The following TTC23L variants were observed in gnomAD, a reference collection of about 807,000 sequenced individuals.
TTC23L encodes the protein tetratricopeptide repeat protein 23-like.
A neutral mutation model predicts 48.1 loss-of-function variants in TTC23L; 42 were observed. The observed-to-expected ratio is 0.87, with a 90% CI of 0.68 to 1.13. TTC23L has a LOEUF of 1.13. Ranked by LOEUF, TTC23L falls within the 50% of genes most tolerant of loss-of-function variation. TTC23L has a pLI of 0.00. For synonymous variants in TTC23L, 159 were observed against 157.2 expected, an observed-to-expected ratio of 1.01 and a Z score of -0.09; for missense variants, 391 against 421.0, an observed-to-expected ratio of 0.93 and a Z score of 0.62.
chr5:34,925,592 T>G, the TTC23L span: 1 of 1,009,484 alleles, frequency 9.9e-7, no homozygotes, highest in African/African-American at 1.6e-5. Context: ...TACGTCTAAT[T>G]AGTGTAGCAT....
At chr5:34,895,288 A>G (rs1763142243) in intron 9 of TTC23L, among the ~76,000 whole-genome samples, 1 of 152,198 alleles carries the variant, frequency 6.6e-6, no homozygotes, top group Admixed American at 6.5e-5. Flanking sequence ...ACTTTTCTCT[A>G]ATGAGGATTA....
In TTC23L at chr5:34,847,586, G is replaced by T. The variant is rs559715140; in HGVS notation, c.255+1913G>T. Among the ~76,000 whole-genome samples the T allele has an allele frequency of 3.3e-5, 5 of 151,974 alleles. No homozygotes were observed. The South Asian group carries it at 8.3e-4, about 25-fold the overall frequency. The stretch of plus-strand genomic sequence containing the variant: ...AGTGCTGGGATGACATCTGGAGCCC[G>T]TATTGGTTGTCCCGGTTTCTCCAAG... On this transcript the variant is annotated intron_variant, in intron 3 of 10. Coordinates refer to ENST00000505624, the Ensembl canonical transcript of TTC23L.
At chr5:34,914,714 T>A in the TTC23L span, 1 of 1,614,240 alleles carries the variant, frequency 6.2e-7, no homozygotes, top group Non-Finnish European at 8.5e-7. Flanking sequence ...AGCATTTGCT[T>A]GCACACACTT....
chr5:34,857,737 A>G (rs1760245253), intron 4 of TTC23L, among the ~76,000 whole-genome samples: 1 of 152,146 alleles, frequency 6.6e-6, no homozygotes, highest in Non-Finnish European at 1.5e-5. Context: ...CCTTGCGACA[A>G]CTCTACAGGA....
chr5:34,840,683 C>T (rs1218559588), exon 2 of TTC23L: 2 of 1,613,864 alleles, frequency 1.2e-6, no homozygotes, highest in Non-Finnish European at 1.7e-6. Flanking sequence ...TGCAAGCCAG[C>T]CCCATCCGTA....
Position 34,840,645 on chromosome 5 carries a change from C to A in TTC23L, c.-7-20C>A. On this transcript the variant is annotated intron_variant, in intron 1 of 10. Transcript: ENST00000505624. ...ACCCAGCCTTTTCTCTCAAAGCTGA[C>A]CTTACCTGATTCTTGGTAGGAAGAA... is the stretch of plus-strand genomic sequence containing the variant. 6.2e-7 allele frequency: 1 copy of A among 1,611,226 alleles called. No individual in the cohort carries two copies. The highest frequency in any genetic ancestry group is 1.1e-5 in the South Asian group (1 of 91,026).
chr5:34,880,225 GCAA>G (rs1762131220), exon 9 of TTC23L: 2 of 1,613,088 alleles, frequency 1.2e-6, no homozygotes, highest in African/African-American at 2.7e-5. Context: ...TGCATATCGA[GCAA>G]CATTGGGCTC....
intron 3 of TTC23L, among the ~76,000 whole-genome samples, chr5:34,847,455 A>G (rs1476772804): frequency 6.7e-6 from 1 of 150,032 alleles, no homozygotes; most frequent in Non-Finnish European, 1.5e-5. Context: ...AGTTCTTTGT[A>G]TATCAGTTAT....
intron 8 of TTC23L, among the ~76,000 whole-genome samples, chr5:34,878,842 G>C (rs1177055086): frequency 6.6e-6 from 1 of 152,060 alleles, no homozygotes; most frequent in African/African-American, 2.4e-5. Context: ...CCACTATTAG[G>C]CATCTACCCA....
At chr5:34,866,931 A>G (rs769538825) in exon 7 of TTC23L, 1 of 1,609,062 alleles carries the variant, frequency 6.2e-7, no homozygotes, top group Non-Finnish European at 8.5e-7. Flanking sequence ...TAGCTCTGGC[A>G]TACTTTGAAA....
intron 9 of TTC23L, among the ~76,000 whole-genome samples, chr5:34,881,648 T>A (rs913655409): frequency 1.3e-5 from 2 of 152,230 alleles, no homozygotes; most frequent in African/African-American, 4.8e-5. Flanking sequence ...AAACATTTTT[T>A]ATAAATGATG....
intron 1 of TTC23L, chr5:34,839,720 G>A: frequency 1.1e-6 from 1 of 925,738 alleles, no homozygotes; most frequent in Non-Finnish European, 1.3e-6. Context: ...GAGGCGACTT[G>A]GTGGATGTTA....
At chr5:34,872,310 A>G (rs1228360858) in intron 8 of TTC23L, among the ~76,000 whole-genome samples, 2 of 152,168 alleles carry the variant, frequency 1.3e-5, no homozygotes, top group Admixed American at 1.3e-4. Flanking sequence ...ACCAAAATTC[A>G]TGTGGAAAAT....
At chr5:34,913,714 CA>C in the TTC23L span, 7 of 609,550 alleles carry the variant, frequency 1.1e-5, no homozygotes, top group South Asian at 1.5e-4. Flanking sequence ...GATTAGCAAT[CA>C]AAACATCTTA....
At chr5:34,867,467 T>C in intron 7 of TTC23L, 1 of 211,488 alleles carries the variant, frequency 4.7e-6, no homozygotes. Flanking sequence ...ATGCTGTCAT[T>C]TGTACTTTAA....
chr5:34,844,296 C>T (rs1051567190), intron 2 of TTC23L, among the ~76,000 whole-genome samples: 11 of 146,622 alleles, frequency 7.5e-5, no homozygotes, highest in African/African-American at 2.8e-4. Flanking sequence ...TCTACACAAC[C>T]TGGTTTGCCC....
At chr5:34,925,577 T>C in the TTC23L span, 2 of 1,195,310 alleles carry the variant, frequency 1.7e-6, no homozygotes, top group East Asian at 5.2e-5. Flanking sequence ...TATCTAATAC[T>C]ATCTTACGTC....
intron 9 of TTC23L, among the ~76,000 whole-genome samples, chr5:34,888,150 A>C (rs939501688): frequency 6.6e-6 from 1 of 152,144 alleles, no homozygotes; most frequent in African/African-American, 2.4e-5. Flanking sequence ...GTGAGTTTAC[A>C]GAAAGAAGAT....
the TTC23L span, chr5:34,923,179 A>T: frequency 2.5e-6 from 4 of 1,614,176 alleles, no homozygotes; most frequent in Non-Finnish European, 3.4e-6. Context: ...CCATTTGTGG[A>T]CCACGTGTTT....
Sources: allele counts gnomAD v4.1 joint callset (sites outside exome capture counted in the v4.1 genomes callset), GRCh38; gene constraint gnomAD v4.1.1; transcripts MANE v1.5; gene names NCBI Gene and HGNC (gene_info 2026-07-23, HGNC 2026-07-21).